Variants in TNFAIP6 observed in about 807,000 individuals in gnomAD.
The protein encoded by TNFAIP6 is tumor necrosis factor-inducible gene 6 protein.
A neutral mutation model predicts 33.7 loss-of-function variants in TNFAIP6; 36 were observed. The observed-to-expected ratio is 1.07, with a 90% CI of 0.82 to 1.41. TNFAIP6 has a LOEUF of 1.41. Among genes scored for constraint, TNFAIP6 ranks in the 40% most tolerant of loss-of-function variants. The probability of loss-of-function intolerance (pLI) is 0.00; values close to 1 mark genes in which losing one functional copy is unlikely to be tolerated. For synonymous variants in TNFAIP6, 113 were observed against 112.8 expected (o/e 1.00, Z -0.01); for missense variants, 273 against 331.9 (o/e 0.82, Z 1.38).
chr2:151,373,813 C>A (rs1319468177), intron 5 of TNFAIP6: 1 of 293,262 alleles, frequency 3.4e-6, no homozygotes, highest in African/African-American at 2.2e-5. Flanking sequence ...CTCTTCTTTG[C>A]TGAAAATGTA....
At position 151,369,901 on chromosome 2, in the gene TNFAIP6, T is replaced by C. The variant is rs913029378; in HGVS notation, c.395-119T>C. 9.7e-6 allele frequency: 7 copies of C among 723,928 alleles called. No homozygotes were observed. The African/African-American group carries it at 1.3e-4, about 13-fold the overall frequency. The allele number at this position is 723,928 out of a possible 1,614,324, so 44.8% of individuals were successfully genotyped here. On this transcript the variant is annotated intron_variant, in intron 3 of 5. Coordinates refer to ENST00000243347, the MANE Select transcript of TNFAIP6 (RefSeq NM_007115.4). ...TACATAATATACCATAGATGCTGTATACTAAGACATTTAACATTTCATAAA... is the reference window on the plus strand; with the variant it reads ...TACATAATATACCATAGATGCTGTACACTAAGACATTTAACATTTCATAAA...
At chr2:151,366,923 G>A (rs970529168) in intron 3 of TNFAIP6, among the ~76,000 whole-genome samples, 10 of 152,106 alleles carry the variant, frequency 6.6e-5, no homozygotes, top group Admixed American at 2.6e-4. Context: ...CTTAGGTCAC[G>A]TTCTTGGAGA....
chr2:151,359,458 G>T (rs932163304), intron 1 of TNFAIP6, among the ~76,000 whole-genome samples: 22 of 146,180 alleles, frequency 1.5e-4, no homozygotes, highest in Non-Finnish European at 2.8e-4. Context: ...GCACCATCTC[G>T]GCTCACTCCA....
chr2:151,358,124 G>A (rs3771889), intron 1 of TNFAIP6, among the ~76,000 whole-genome samples: 27,503 of 152,044 alleles, frequency 0.18, 2,854 homozygotes, highest in African/African-American at 0.29. Flanking sequence ...CAATGCATTT[G>A]CAATCAGATT....
chr2:151,377,267 T>C (rs1684930056), intron 5 of TNFAIP6, among the ~76,000 whole-genome samples: 2 of 152,032 alleles, frequency 1.3e-5, no homozygotes, highest in Non-Finnish European at 2.9e-5. Flanking sequence ...CCTCCCGGGT[T>C]CACGCCATTC....
Position 151,366,138 on chromosome 2 carries a change from T to A in TNFAIP6, c.315T>A (p.Phe105Leu). The stretch of plus-strand genomic sequence containing the variant: ...TGAAGCCAGGGCCCAACTGTGGATT[T>A]GGAAAAACTGGCATTATTGATTATG... ...PIVKPGPNCG[F>L]GKTGIIDYGI... The change falls in exon 3 of 6, where the codon TTT (phenylalanine) becomes TTA (leucine). Residue 105 changes from phenylalanine to leucine, a missense_variant. Transcript: ENST00000243347. The A allele has an allele frequency of 6.2e-7, 1 of 1,614,218 alleles. No individual in the cohort carries two copies. Among genetic ancestry groups the A allele is most frequent in the Non-Finnish European group, 8.5e-7 (1 of 1,180,032 alleles).
At chr2:151,368,571 AT>A (rs1441158170) in intron 3 of TNFAIP6, among the ~76,000 whole-genome samples, 1 of 151,840 alleles carries the variant, frequency 6.6e-6, no homozygotes, top group African/African-American at 2.4e-5. Flanking sequence ...AATTTATAAC[AT>A]ATTGAAATCT....
downstream of TNFAIP6, among the ~76,000 whole-genome samples, chr2:151,380,533 G>GA (rs1684996648): frequency 6.6e-6 from 1 of 152,140 alleles, no homozygotes; most frequent in Non-Finnish European, 1.5e-5. Context: ...TGCAATTCTA[G>GA]AATCAGGCAC....
At position 151,379,640 on chromosome 2, in the gene TNFAIP6, G is replaced by A. The variant is rs770078981; in HGVS notation, c.*107G>A. ...ACATTTATTTATTATTTTTCTAAAT[G>A]TGAAAGCAATACATAATTTAGGGAA... On this transcript the variant is annotated 3_prime_UTR_variant, in exon 6 of 6. Transcript: ENST00000243347. 31 of 885,584 alleles carry A rather than the reference G, an allele frequency of 3.5e-5. No homozygotes were observed. The highest frequency in any genetic ancestry group is 4.2e-5 in the Non-Finnish European group (28 of 661,220). 54.9% of individuals were successfully genotyped at this position (885,584 alleles called of 1,614,324 possible).
chr2:151,363,198 C>G (rs1684657103), intron 1 of TNFAIP6, among the ~76,000 whole-genome samples: 1 of 152,062 alleles, frequency 6.6e-6, no homozygotes, highest in African/African-American at 2.4e-5. Context: ...TGCCTGTAAT[C>G]CCAGCTACTC....
At chr2:151,372,063 A>G (rs1240767564) in intron 4 of TNFAIP6, 2 of 152,318 alleles carry the variant, frequency 1.3e-5, no homozygotes, top group Non-Finnish European at 2.9e-5. Context: ...ACTTGAGCCC[A>G]GTAGTTCTGG....
chr2:151,362,133 A>G (rs1684634350), intron 1 of TNFAIP6, among the ~76,000 whole-genome samples: 2 of 152,218 alleles, frequency 1.3e-5, no homozygotes, highest in Admixed American at 6.5e-5. Context: ...ATGTCAGACT[A>G]CATAGAACTA....
chr2:151,379,291 A>C (rs1684974168), intron 5 of TNFAIP6, 73 bp from the exon 6 acceptor site: 6 of 1,325,628 alleles, frequency 4.5e-6, no homozygotes, highest in Non-Finnish European at 6.1e-6. Flanking sequence ...TATGAGAATG[A>C]AGAGTCTTTG....
chr2:151,360,938 G>A (rs1326939555), intron 1 of TNFAIP6, among the ~76,000 whole-genome samples: 1 of 152,076 alleles, frequency 6.6e-6, no homozygotes, highest in Admixed American at 6.6e-5. Context: ...CCTGTGATGT[G>A]AGTTTACCTA....
intron 5 of TNFAIP6, among the ~76,000 whole-genome samples, chr2:151,377,173 C>CT (rs199844615): frequency 0.017 from 2,519 of 145,044 alleles, 53 homozygotes; most frequent in East Asian, 0.085. Context: ...CTTTTCTTTT[C>CT]TTTTCTTTTT....
In TNFAIP6 at chr2:151,373,659, C is replaced by G. The variant is rs538224406; in HGVS notation, c.664+70C>G. On this transcript the variant is annotated intron_variant, in intron 5 of 5. Transcript: ENST00000243347. ...CAGTGTCCCTGAAAGTAAAGGGACACTGTTAAATAGTAAATAGTAGTTATT... is the reference window on the plus strand; with the variant it reads ...CAGTGTCCCTGAAAGTAAAGGGACAGTGTTAAATAGTAAATAGTAGTTATT... 2.7e-4 allele frequency: 226 copies of G among 836,404 alleles called. No homozygotes were observed. In the African/African-American group the frequency reaches 3.8e-3, roughly 14 times the overall value. 51.8% of individuals were successfully genotyped at this position (836,404 alleles called of 1,614,324 possible).
chr2:151,370,057 A>C lies in TNFAIP6; in HGVS notation c.432A>C (p.Gln144His). The change falls in exon 4 of 6, where the codon CAA becomes CAC. Residue 144 changes from glutamine (Q) to histidine (H), a missense_variant. Gln to His is a conservative substitution (Grantham distance 24). Coordinates refer to ENST00000243347, the MANE Select transcript of TNFAIP6 (RefSeq NM_007115.4). Reference sequence around the variant, plus strand: ...GTGGCGTCTTTACAGATCCAAAGCAAATTTTTAAATCTCCAGGCTTCCCAA... The same window carrying C: ...GTGGCGTCTTTACAGATCCAAAGCACATTTTTAAATCTCCAGGCTTCCCAA... Reference protein sequence around the residue: ...ECGGVFTDPKQIFKSPGFPNE... With the variant: ...ECGGVFTDPKHIFKSPGFPNE... The C allele has an allele frequency of 6.2e-7, 1 of 1,614,028 alleles. No individual in the cohort carries two copies. The highest frequency in any genetic ancestry group is 8.5e-7 in the Non-Finnish European group (1 of 1,179,978).
chr2:151,372,774 G>T (rs1168403627), intron 4 of TNFAIP6, among the ~76,000 whole-genome samples: 1 of 152,072 alleles, frequency 6.6e-6, no homozygotes, highest in African/African-American at 2.4e-5. Flanking sequence ...ACAAAAATTA[G>T]TAGGGTGTGG....
intron 1 of TNFAIP6, among the ~76,000 whole-genome samples, chr2:151,361,916 G>C (rs527587849): frequency 6.6e-6 from 1 of 152,286 alleles, no homozygotes; most frequent in South Asian, 2.1e-4. Context: ...TAATGTATAA[G>C]AGCAGGATCC....
Sources: gnomAD v4.1 joint callset for allele counts (sites outside exome capture counted in the v4.1 genomes callset) on GRCh38, gnomAD v4.1.1 for gene constraint, MANE v1.5 for transcripts, NCBI Gene and HGNC (gene_info 2026-07-23, HGNC 2026-07-21) for gene names.